Variants in ADAM12 observed in about 807,000 individuals in gnomAD.
ADAM12 encodes the protein disintegrin and metalloproteinase domain-containing protein 12.
ADAM12 carries 70 observed loss-of-function variants against 106.4 expected under a neutral mutation model. That is an observed-to-expected ratio of 0.66 (90% CI 0.54 to 0.80). ADAM12 has a LOEUF of 0.80. ADAM12 is among the 30% of genes least tolerant of loss of function. The pLI, the probability that ADAM12 is intolerant of heterozygous loss-of-function variation, is 0.00. For synonymous variants in ADAM12, 420 were observed against 433.5 expected (o/e 0.97, Z 0.39); for missense variants, 1,010 against 1,171.9 (o/e 0.86, Z 2.02).
intron 3 of ADAM12, among the ~76,000 whole-genome samples, chr10:126,161,671 G>A (rs557061489): frequency 2.0e-5 from 3 of 152,316 alleles, no homozygotes; most frequent in African/African-American, 7.2e-5. Context: ...AGGGAGCATG[G>A]ATGAAACTGA....
At chr10:126,248,282 G>A (rs891070813) in intron 3 of ADAM12, among the ~76,000 whole-genome samples, 7 of 152,128 alleles carry the variant, frequency 4.6e-5, no homozygotes, top group South Asian at 2.1e-4. Flanking sequence ...AAATGAACTC[G>A]GAAATGAGCA....
chr10:126,086,326 T>C (rs1955340110), intron 11 of ADAM12, among the ~76,000 whole-genome samples: 1 of 151,952 alleles, frequency 6.6e-6, no homozygotes, highest in Non-Finnish European at 1.5e-5. Context: ...GGGCTTCTAC[T>C]TAGGTCGGTC....
chr10:126,289,011 G>C (rs1025371452), intron 2 of ADAM12, among the ~76,000 whole-genome samples: 1 of 149,080 alleles, frequency 6.7e-6, no homozygotes, highest in African/African-American at 2.5e-5. Context: ...ATAGTGACAT[G>C]GTGACCCAGG....
chr10:126,099,654 G>C (rs1405071069), intron 9 of ADAM12, among the ~76,000 whole-genome samples: 1 of 152,138 alleles, frequency 6.6e-6, no homozygotes. Flanking sequence ...CATAAAATGT[G>C]AGGCAACCAC....
intron 1 of ADAM12, among the ~76,000 whole-genome samples, chr10:126,364,038 A>G (rs1246923688): frequency 1.3e-5 from 2 of 152,196 alleles, no homozygotes; most frequent in Non-Finnish European, 1.5e-5. Context: ...TCAATAAGTC[A>G]ATTAATATTT....
intron 18 of ADAM12, chr10:126,041,449 G>A: frequency 2.0e-6 from 2 of 985,628 alleles, no homozygotes; most frequent in Non-Finnish European, 2.4e-6. Flanking sequence ...ATGAAGGGTT[G>A]GTGACTCTGT....
chr10:126,261,489 G>A (rs1313983856), intron 3 of ADAM12, among the ~76,000 whole-genome samples: 1 of 152,180 alleles, frequency 6.6e-6, no homozygotes, highest in Non-Finnish European at 1.5e-5. Context: ...CTAGTTCAGT[G>A]ATACCCTATA....
intron 1 of ADAM12, among the ~76,000 whole-genome samples, chr10:126,337,762 T>G (rs1163623017): frequency 6.6e-6 from 1 of 152,222 alleles, no homozygotes; most frequent in Non-Finnish European, 1.5e-5. Context: ...GGTTGTTTTT[T>G]TTGTTTACTC....
In ADAM12 at chr10:126,388,219, C is replaced by G; in HGVS notation, c.-74G>C. ...GCACCATCCCACGCGGGCGCCGAGC[C>G]GGGGCCGGGCGTCGCGACCGGAGGG... On this transcript the variant is annotated 5_prime_UTR_variant, in exon 1 of 23. Transcript: ENST00000448723. The surrounding 1 kb of genome is among the most constrained non-coding windows in gnomAD (Gnocchi z 4.4). The G allele has an allele frequency of 3.4e-6, 4 of 1,192,346 alleles. No homozygotes were observed. Among genetic ancestry groups the G allele is most frequent in the Non-Finnish European group, 3.1e-6 (3 of 962,386 alleles). 73.9% of individuals were successfully genotyped at this position (1,192,346 alleles called of 1,614,324 possible).
intron 1 of ADAM12, among the ~76,000 whole-genome samples, chr10:126,363,870 C>A (rs994579033): frequency 3.3e-5 from 5 of 152,298 alleles, no homozygotes; most frequent in African/African-American, 1.2e-4. Flanking sequence ...ACTAAGACCA[C>A]TTTCCTTCCT....
chr10:126,372,050 G>T (rs1377994806), intron 1 of ADAM12, among the ~76,000 whole-genome samples: 1 of 152,144 alleles, frequency 6.6e-6, no homozygotes, highest in African/African-American at 2.4e-5. Context: ...GCCCCTAATG[G>T]TAGACTGATA....
intron 2 of ADAM12, among the ~76,000 whole-genome samples, chr10:126,297,516 C>T: frequency 6.6e-6 from 1 of 152,306 alleles, no homozygotes; most frequent in Non-Finnish European, 1.5e-5. Flanking sequence ...TGCCACTGCA[C>T]TCCAGCCTGG....
At chr10:126,271,080 T>A (rs1365510737) in intron 3 of ADAM12, among the ~76,000 whole-genome samples, 1 of 152,124 alleles carries the variant, frequency 6.6e-6, no homozygotes, top group African/African-American at 2.4e-5. Flanking sequence ...CCTCCACAGG[T>A]CACCTCCAGA....
At chr10:126,265,710 G>A (rs1959084865) in intron 3 of ADAM12, among the ~76,000 whole-genome samples, 1 of 152,136 alleles carries the variant, frequency 6.6e-6, no homozygotes, top group East Asian at 1.9e-4. Context: ...TGAGAGTGTG[G>A]AAAATTCTAC....
intron 3 of ADAM12, among the ~76,000 whole-genome samples, chr10:126,245,122 C>T (rs1161040158): frequency 6.6e-6 from 1 of 152,182 alleles, no homozygotes; most frequent in Non-Finnish European, 1.5e-5. Flanking sequence ...GACATCCCCT[C>T]GCCAGCCTCG....
intron 3 of ADAM12, among the ~76,000 whole-genome samples, chr10:126,171,380 A>G (rs775048136): frequency 3.3e-5 from 5 of 152,212 alleles, no homozygotes; most frequent in Admixed American, 1.3e-4. Context: ...ATTACTTAAA[A>G]AACCGTGGCA....
intron 3 of ADAM12, among the ~76,000 whole-genome samples, chr10:126,175,045 C>A (rs982130395): frequency 6.6e-6 from 1 of 152,146 alleles, no homozygotes; most frequent in African/African-American, 2.4e-5. Context: ...CATGAGCCAC[C>A]GCGCCCGGCC....
intron 3 of ADAM12, among the ~76,000 whole-genome samples, chr10:126,258,962 T>A (rs4962540): frequency 0.063 from 9,551 of 152,318 alleles, 394 homozygotes; most frequent in Admixed American, 0.11. Context: ...CCCTGTTCCC[T>A]ACCGTGTCCC....
intron 5 of ADAM12, among the ~76,000 whole-genome samples, chr10:126,132,526 C>CA (rs199547667): frequency 2.4e-5 from 1 of 42,258 alleles, no homozygotes; most frequent in South Asian, 5.6e-4. Flanking sequence ...GCATGAACAC[C>CA]CCCCCCCCCT....
Sources: allele counts gnomAD v4.1 joint callset (sites outside exome capture counted in the v4.1 genomes callset), GRCh38; gene constraint gnomAD v4.1.1; non-coding constraint Gnocchi (gnomAD v3.1); transcripts MANE v1.5; gene names NCBI Gene and HGNC (gene_info 2026-07-23, HGNC 2026-07-21).